Variants in CACNA2D4 observed in about 807,000 individuals in gnomAD.
CACNA2D4 encodes the protein voltage-dependent calcium channel subunit alpha-2/delta-4.
In CACNA2D4, 157 loss-of-function variants were observed where a neutral mutation model predicts 163.8. The ratio of observed to expected loss-of-function variants is 0.96; its 90% confidence interval spans 0.84 to 1.09. CACNA2D4 has a LOEUF of 1.09. Ranked by LOEUF, CACNA2D4 falls within the 50% of genes least tolerant of loss-of-function variation. The pLI, the probability that CACNA2D4 is intolerant of heterozygous loss-of-function variation, is 0.00. For missense variants in CACNA2D4, 1,410 were observed against 1,479.9 expected, an observed-to-expected ratio of 0.95 and a Z score of 0.78; for synonymous variants, 598 against 586.9, an observed-to-expected ratio of 1.02 and a Z score of -0.27.
In CACNA2D4 at chr12:1,844,338, C is replaced by A; in HGVS notation, c.2470+64G>T. 1 of 1,578,226 alleles carries A rather than the reference C, an allele frequency of 6.3e-7. No homozygotes were observed. ...TTCCCATTTCCCACTAAGAGCACAG[C>A]AGGAGGAGAGATGAGACTGGCCTGA... On this transcript the variant is annotated intron_variant, in intron 25 of 37. Transcript: ENST00000382722. The surrounding 1 kb of genome is among the most constrained non-coding windows in gnomAD (Gnocchi z 4.2).
intron 13 of CACNA2D4, among the ~76,000 whole-genome samples, chr12:1,880,261 G>A (rs370559758): frequency 1.3e-5 from 2 of 152,244 alleles, no homozygotes; most frequent in Non-Finnish European, 2.9e-5. Flanking sequence ...TGCACAGCAC[G>A]AGCTTTCCAG....
intron 23 of CACNA2D4, 128 bp from the exon 24 acceptor site, chr12:1,846,817 G>C (rs1477087414): frequency 7.8e-6 from 6 of 772,736 alleles, no homozygotes; most frequent in South Asian, 3.0e-5. Context: ...TTCCAGGAAG[G>C]CTGGGTTCCT....
chr12:1,822,046 G>A (rs937142152), intron 26 of CACNA2D4: 1 of 152,042 alleles, frequency 6.6e-6, no homozygotes, highest in Non-Finnish European at 1.5e-5. Flanking sequence ...GCCAAGAAGA[G>A]CCCAGCTTTT....
At chr12:1,853,050 C>T (rs1029767513) in intron 23 of CACNA2D4, among the ~76,000 whole-genome samples, 3 of 152,078 alleles carry the variant, frequency 2.0e-5, no homozygotes, top group Admixed American at 6.6e-5. Flanking sequence ...GTCATATATT[C>T]ATATGGTTCA....
chr12:1,795,706 A>C lies in CACNA2D4; in HGVS notation c.3188T>G (p.Ile1063Ser). ...CGCCTCCTGCAGCACTGGTGGGAAG[A>C]TGCTGCAGTCACAGGTGGGGTCTGT... is the stretch of plus-strand genomic sequence containing the variant. Reference protein sequence around the residue: ...LVTDPTCDCSIFPPVLQEATE... With the variant: ...LVTDPTCDCSSFPPVLQEATE... Residue 1063 changes from isoleucine to serine, a missense_variant, in exon 36 of 38, where the codon ATC becomes AGC. Physicochemically the swap from Ile to Ser is moderately radical, Grantham distance 142 (BLOSUM62 -2). Transcript: ENST00000382722. The C allele has an allele frequency of 6.2e-7, 1 of 1,613,312 alleles. No homozygotes were observed. The highest frequency in any genetic ancestry group is 1.1e-5 in the South Asian group (1 of 91,060).
Position 1,810,314 on chromosome 12 carries a change from G to C in CACNA2D4, c.2685C>G (p.Asn895Lys). The change falls in exon 29 of 38, where the codon AAC (asparagine) becomes AAG (lysine). Residue 895 changes from asparagine to lysine, a missense_variant. By Grantham distance (94) the Asn-to-Lys change is moderately conservative. Transcript: ENST00000382722. ...DSDLDCFVID[N>K]NGFILISKRS... The stretch of plus-strand genomic sequence containing the variant: ...TCTTGGAGATCAGAATGAACCCGTT[G>C]TTGTCGATGACGAAGCAGTCCAGAT... The C allele has an allele frequency of 1.2e-6, 2 of 1,613,968 alleles. No homozygotes were observed. The highest frequency in any genetic ancestry group is 1.3e-5 in the African/African-American group (1 of 75,064).
At chr12:1,866,809 T>A (rs1016760542) in intron 18 of CACNA2D4, among the ~76,000 whole-genome samples, 8 of 151,448 alleles carry the variant, frequency 5.3e-5, no homozygotes, top group Non-Finnish European at 1.2e-4. Flanking sequence ...TTTTTGTATT[T>A]TTTTGTAGAG....
At chr12:1,852,495 C>A (rs1188382616) in intron 23 of CACNA2D4, among the ~76,000 whole-genome samples, 2 of 151,978 alleles carry the variant, frequency 1.3e-5, no homozygotes, top group African/African-American at 4.8e-5. Context: ...CATAGAGAGA[C>A]CCCCATCTCT....
rs766298238 is a variant in CACNA2D4, at chr12:1,854,003, C to G, written c.2194G>C (p.Val732Leu). 1 of 1,612,796 alleles carries G rather than the reference C, an allele frequency of 6.2e-7. No individual in the cohort carries two copies. The highest frequency in any genetic ancestry group is 1.3e-5 in the African/African-American group (1 of 74,884). ...CAGTAGGCTTCCATGGGGGCTGTCACCACCGCGTCAAACAGCACCTCCCGG... is the reference window on the plus strand; with the variant it reads ...CAGTAGGCTTCCATGGGGGCTGTCAGCACCGCGTCAAACAGCACCTCCCGG... ...LVREVLFDAVVTAPMEAYWTA... is the reference protein window; with the variant it reads ...LVREVLFDAVLTAPMEAYWTA... The change falls in exon 23 of 38, where the codon GTG (valine) becomes CTG (leucine). Residue 732 changes from valine to leucine, a missense_variant. Transcript: ENST00000382722.
chr12:1,796,406 G>T (rs952749800), intron 35 of CACNA2D4, among the ~76,000 whole-genome samples: 10 of 152,356 alleles, frequency 6.6e-5, no homozygotes, highest in African/African-American at 2.2e-4. Flanking sequence ...CTGGTGTTGT[G>T]CCCATTTTGC....
In CACNA2D4 at chr12:1,918,339, G is replaced by C; in HGVS notation, c.135C>G (p.Ala45=). The C allele has an allele frequency of 6.2e-7, 1 of 1,609,372 alleles. No individual in the cohort carries two copies. Among genetic ancestry groups the C allele is most frequent in the Non-Finnish European group, 8.5e-7 (1 of 1,177,878 alleles). Reference sequence around the variant, plus strand: ...GGAGGGCCGAGGTCTTCTGCACAAAGGCCCAGGCCACGGGCATTGGCTGGA... The same window carrying C: ...GGAGGGCCGAGGTCTTCTGCACAAACGCCCAGGCCACGGGCATTGGCTGGA... ...IPLQPMPVAW[A]FVQKTSALLW... Residue 45 remains alanine (A), a synonymous_variant, in exon 1 of 38, where the codon GCC becomes GCG. Transcript: ENST00000382722.
chr12:1,908,604 A>G (rs1452131504), intron 4 of CACNA2D4, among the ~76,000 whole-genome samples: 2 of 150,186 alleles, frequency 1.3e-5, no homozygotes, highest in African/African-American at 2.5e-5. Context: ...AACACCCCCC[A>G]GGACTGCGTC....
At chr12:1,868,926 G>T (rs1865712986) in intron 18 of CACNA2D4, among the ~76,000 whole-genome samples, 1 of 152,120 alleles carries the variant, frequency 6.6e-6, no homozygotes, top group Non-Finnish European at 1.5e-5. Flanking sequence ...AAGTAATCTG[G>T]AGATGATTTA....
At chr12:1,849,454 T>G (rs540541096) in intron 23 of CACNA2D4, among the ~76,000 whole-genome samples, 1 of 152,258 alleles carries the variant, frequency 6.6e-6, no homozygotes, top group African/African-American at 2.4e-5. Flanking sequence ...ATTTATTTAG[T>G]GTTTACAATT....
rs146822635 is a variant in CACNA2D4, at chr12:1,824,899, G to A, written c.2552-13176C>T. 3.2e-3 allele frequency among the ~76,000 whole-genome samples: 481 copies of A among 152,298 alleles called. 1 individual carries two copies. The highest frequency in any genetic ancestry group is 0.011 in the African/African-American group (458 of 41,562). On this transcript the variant is annotated intron_variant, in intron 26 of 37. Transcript: ENST00000382722. ...ATGACTGGTGTTCCCTGCAAGCTGC[G>A]CTATTTTTCCTGCTCTTGGGAAGGC...
At chr12:1,845,031 C>A (rs1865112684) in intron 24 of CACNA2D4, among the ~76,000 whole-genome samples, 1 of 146,290 alleles carries the variant, frequency 6.8e-6, no homozygotes, top group Non-Finnish European at 1.5e-5. Flanking sequence ...CACGGCAGCC[C>A]ACAGAAGGGA....
chr12:1,879,713 C>T lies in CACNA2D4; in HGVS notation c.1563+91G>A, dbSNP rs552536160. 70 of 1,092,236 alleles carry T rather than the reference C, an allele frequency of 6.4e-5. No homozygotes were observed. In the African/African-American group the frequency reaches 1.0e-3, roughly 16 times the overall value. 67.7% of individuals were successfully genotyped at this position (1,092,236 alleles called of 1,614,324 possible). ...AAACCCTCCCAAGGTGGCTCAGAGG[C>T]ACAGCCAAGTCAAGAATCACTGGTC... On this transcript the variant is annotated intron_variant, in intron 14 of 37. Coordinates refer to ENST00000382722, the MANE Select transcript of CACNA2D4 (RefSeq NM_172364.5).
Position 1,792,030 on chromosome 12 carries a change from A to G in CACNA2D4, c.*1625T>C, listed in dbSNP as rs952240831. The G allele has an allele frequency of 6.6e-6, 1 of 152,236 alleles. No homozygotes were observed. Among genetic ancestry groups the G allele is most frequent in the African/African-American group, 2.4e-5 (1 of 41,454 alleles). The allele number at this position is 152,236 out of a possible 1,614,324, so 9.4% of individuals were successfully genotyped here. Reference sequence around the variant, plus strand: ...GCAGTTTCAAGCATGTTACGTGAATACATCACATTCAATCTTCATACACTC... The same window carrying G: ...GCAGTTTCAAGCATGTTACGTGAATGCATCACATTCAATCTTCATACACTC... On this transcript the variant is annotated 3_prime_UTR_variant, in exon 38 of 38. Transcript: ENST00000382722.
intron 20 of CACNA2D4, among the ~76,000 whole-genome samples, chr12:1,858,076 GC>G (rs1865439101): frequency 6.6e-6 from 1 of 152,190 alleles, no homozygotes; most frequent in African/African-American, 2.4e-5. Context: ...GGGGAGCACG[GC>G]CTTTCCAACA....
Sources: gnomAD v4.1 joint callset for allele counts (sites outside exome capture counted in the v4.1 genomes callset) on GRCh38, gnomAD v4.1.1 for gene constraint, Gnocchi (gnomAD v3.1) non-coding constraint, MANE v1.5 for transcripts, NCBI Gene and HGNC (gene_info 2026-07-23, HGNC 2026-07-21) for gene names.